Variants in ROBO2 observed in about 807,000 individuals in gnomAD.
The protein encoded by ROBO2 is roundabout guidance receptor 2.
In ROBO2, 53 loss-of-function variants were observed where a neutral mutation model predicts 160.8. The ratio of observed to expected loss-of-function variants is 0.33; its 90% CI spans 0.26 to 0.41. The LOEUF is 0.41. Ranked by LOEUF, ROBO2 falls within the 10% of genes least tolerant of loss-of-function variation. ROBO2 has a pLI of 1.00. For missense variants in ROBO2, 1,577 were observed against 1,722.4 expected, an observed-to-expected ratio of 0.92 and a Z score of 1.49; for synonymous variants, 664 against 611.7, an observed-to-expected ratio of 1.09 and a Z score of -1.26.
intron 6 of ROBO2, among the ~76,000 whole-genome samples, chr3:77,531,614 T>C (rs2091733988): frequency 6.6e-6 from 1 of 151,944 alleles, no homozygotes; most frequent in Non-Finnish European, 1.5e-5. Context: ...AAGAATAATG[T>C]AACAAATATT....
At chr3:77,622,712 A>G (rs959285534) in intron 23 of ROBO2, among the ~76,000 whole-genome samples, 2 of 152,200 alleles carry the variant, frequency 1.3e-5, no homozygotes, top group Non-Finnish European at 2.9e-5. Flanking sequence ...CTACTAGGAA[A>G]CCAAGTCTAT....
intron 2 of ROBO2, among the ~76,000 whole-genome samples, chr3:75,984,009 C>A (rs917852938): frequency 1.3e-5 from 2 of 151,278 alleles, no homozygotes; most frequent in Non-Finnish European, 3.0e-5. Context: ...AATCTTTAAA[C>A]CTTTCTAGTA....
chr3:75,922,337 A>G (rs188186263), intron 1 of ROBO2, among the ~76,000 whole-genome samples: 73 of 152,292 alleles, frequency 4.8e-4, no homozygotes, highest in African/African-American at 1.6e-3. Flanking sequence ...TTAAAACTAA[A>G]TATCTAAACG....
intron 2 of ROBO2, among the ~76,000 whole-genome samples, chr3:75,955,836 C>T (rs768081615): frequency 1.3e-4 from 19 of 151,626 alleles, no homozygotes; most frequent in Middle Eastern, 6.8e-3. Context: ...TCCTGCCCAC[C>T]CAGACTGTGC....
At chr3:76,543,104 C>T (rs1240048848) in intron 2 of ROBO2, among the ~76,000 whole-genome samples, 1 of 152,028 alleles carries the variant, frequency 6.6e-6, no homozygotes, top group Non-Finnish European at 1.5e-5. Context: ...CCATATTTTC[C>T]ACAGCTGATA....
chr3:76,590,450 C>T (rs945038560), intron 2 of ROBO2, among the ~76,000 whole-genome samples: 5 of 152,248 alleles, frequency 3.3e-5, no homozygotes, highest in East Asian at 1.9e-4. Context: ...TAATTTATGA[C>T]ATCAATGCTG....
At chr3:76,497,792 G>T (rs564823003) in intron 2 of ROBO2, among the ~76,000 whole-genome samples, 3 of 152,276 alleles carry the variant, frequency 2.0e-5, no homozygotes, top group African/African-American at 7.2e-5. Flanking sequence ...TCTTCCCACG[G>T]TCTGTCTTGA....
intron 2 of ROBO2, among the ~76,000 whole-genome samples, chr3:76,109,058 A>G (rs2070089692): frequency 1.3e-5 from 2 of 151,936 alleles, no homozygotes; most frequent in African/African-American, 4.8e-5. Flanking sequence ...CTCTAAAATC[A>G]TTAATAATGC....
chr3:76,801,994 C>A (rs1482118938), intron 2 of ROBO2, among the ~76,000 whole-genome samples: 1 of 152,120 alleles, frequency 6.6e-6, no homozygotes, highest in African/African-American at 2.4e-5. Context: ...AGAACACACA[C>A]CTGTATTGAT....
At chr3:76,963,323 T>G (rs1340021939) in intron 2 of ROBO2, among the ~76,000 whole-genome samples, 8 of 152,172 alleles carry the variant, frequency 5.3e-5, no homozygotes, top group Non-Finnish European at 1.0e-4. Flanking sequence ...AGCTAGCTAT[T>G]TTAAAGAGTT....
intron 2 of ROBO2, among the ~76,000 whole-genome samples, chr3:76,749,228 C>A (rs146258390): frequency 5.8e-4 from 88 of 151,602 alleles, no homozygotes; most frequent in African/African-American, 1.9e-3. Context: ...AATTATGATG[C>A]ATTATTTTTG....
At position 77,447,604 on chromosome 3, in the gene ROBO2, G is replaced by T. The variant is rs1453223159; in HGVS notation, c.389-29810G>T. 5.9e-5 allele frequency among the ~76,000 whole-genome samples: 9 copies of T among 152,226 alleles called. 1 individual carries two copies. In the South Asian group the frequency reaches 6.2e-4, roughly 11 times the overall value. ...TAGAATAAATTTGACATCACACTTT[G>T]CTTGAGACGGAATTCATTTTTTATA... On this transcript the variant is annotated intron_variant, in intron 2 of 25. Transcript: ENST00000461745.
intron 2 of ROBO2, among the ~76,000 whole-genome samples, chr3:76,668,599 A>G (rs994977062): frequency 2.0e-5 from 3 of 152,252 alleles, no homozygotes; most frequent in Admixed American, 1.3e-4. Context: ...ATTCACACCC[A>G]AAGTTTGAAA....
chr3:77,219,489 G>GTATATATATATA (rs10654899), intron 2 of ROBO2, among the ~76,000 whole-genome samples: 40 of 111,468 alleles, frequency 3.6e-4, no homozygotes, highest in African/African-American at 8.1e-4. Context: ...TATATAATCT[G>GTATATATATATA]TATATATATA....
chr3:76,585,114 G>A (rs921193333), intron 2 of ROBO2, among the ~76,000 whole-genome samples: 27 of 152,230 alleles, frequency 1.8e-4, no homozygotes, highest in African/African-American at 6.3e-4. Flanking sequence ...TGTGCCAGGC[G>A]TGGTTCCAAC....
At chr3:76,207,164 T>C (rs553279356) in intron 2 of ROBO2, among the ~76,000 whole-genome samples, 47 of 152,310 alleles carry the variant, frequency 3.1e-4, no homozygotes, top group Non-Finnish European at 2.6e-4. Context: ...GCCTTACTTA[T>C]AGCTATGCGA....
At chr3:76,668,343 A>G (rs1009724351) in intron 2 of ROBO2, among the ~76,000 whole-genome samples, 6 of 152,012 alleles carry the variant, frequency 3.9e-5, no homozygotes, top group Non-Finnish European at 5.9e-5. Flanking sequence ...CCTGGGCTCA[A>G]GTGATCCTCC....
intron 2 of ROBO2, among the ~76,000 whole-genome samples, chr3:76,045,645 C>A (rs1471299451): frequency 6.6e-6 from 1 of 151,990 alleles, no homozygotes; most frequent in Non-Finnish European, 1.5e-5. Context: ...TGCTCTGTAT[C>A]CTTTTGTACA....
chr3:76,636,552 C>A (rs1455756362), intron 2 of ROBO2, among the ~76,000 whole-genome samples: 2 of 152,164 alleles, frequency 1.3e-5, no homozygotes, highest in African/African-American at 4.8e-5. Flanking sequence ...CCAGTCCTGA[C>A]TCCCAGCAAT....
Sources: gnomAD v4.1 joint callset for allele counts (sites outside exome capture counted in the v4.1 genomes callset) on GRCh38, gnomAD v4.1.1 for gene constraint, MANE v1.5 for transcripts, NCBI Gene and HGNC (gene_info 2026-07-23, HGNC 2026-07-21) for gene names.